The following SLX4IP variants were observed in gnomAD, a reference collection of about 807,000 sequenced individuals.
The protein encoded by SLX4IP is protein SLX4IP.
Under a neutral mutation model 32.9 loss-of-function variants are expected in SLX4IP, and 34 were observed. The observed-to-expected ratio is 1.03, with a 90% CI of 0.79 to 1.38. The LOEUF (loss-of-function observed/expected upper bound fraction) is 1.38. SLX4IP is among the 40% of genes most tolerant of loss of function. The probability of loss-of-function intolerance (pLI) is 0.00; values close to 1 mark genes in which losing one functional copy is unlikely to be tolerated. For synonymous variants in SLX4IP, 172 were observed against 171.7 expected (o/e 1.00, Z -0.01); for missense variants, 444 against 479.0 (o/e 0.93, Z 0.68).
chr20:10,518,764 T>G (rs748616070), intron 2 of SLX4IP, among the ~76,000 whole-genome samples: 16 of 151,846 alleles, frequency 1.1e-4, no homozygotes, highest in Non-Finnish European at 2.1e-4. Flanking sequence ...GAGACGGGGT[T>G]TGGCTATGTA....
At chr20:10,570,560 G>A (rs2066450849) in intron 4 of SLX4IP, among the ~76,000 whole-genome samples, 2 of 149,730 alleles carry the variant, frequency 1.3e-5, no homozygotes, top group South Asian at 4.2e-4. Context: ...GCGGAGTCTT[G>A]CTTCTTTGCC....
At chr20:10,510,595 T>G (rs1041973676) in intron 2 of SLX4IP, among the ~76,000 whole-genome samples, 8 of 136,070 alleles carry the variant, frequency 5.9e-5, no homozygotes, top group African/African-American at 2.1e-4. Context: ...ATTATTATTA[T>G]TATTATTTTT....
chr20:10,520,753 C>G (rs890193851), intron 2 of SLX4IP, among the ~76,000 whole-genome samples: 33 of 152,316 alleles, frequency 2.2e-4, no homozygotes, highest in African/African-American at 7.9e-4. Context: ...GTCCCAACAC[C>G]ATCTGTATGA....
intron 4 of SLX4IP, among the ~76,000 whole-genome samples, chr20:10,584,148 G>A (rs1600129188): frequency 9.9e-5 from 15 of 151,968 alleles, no homozygotes; most frequent in Admixed American, 7.2e-4. Flanking sequence ...CTATAAAAAC[G>A]CAAATCAGCA....
At chr20:10,618,782 A>G (rs1035345177) in intron 6 of SLX4IP, among the ~76,000 whole-genome samples, 8 of 152,220 alleles carry the variant, frequency 5.3e-5, no homozygotes, top group Non-Finnish European at 8.8e-5. Flanking sequence ...CACACATTAT[A>G]TATCTGCACC....
At chr20:10,526,670 G>A (rs1196488002) in intron 2 of SLX4IP, among the ~76,000 whole-genome samples, 7 of 152,142 alleles carry the variant, frequency 4.6e-5, no homozygotes, top group African/African-American at 1.4e-4. Flanking sequence ...AGGGTCTCAG[G>A]CTGGGCACGG....
intron 2 of SLX4IP, among the ~76,000 whole-genome samples, chr20:10,490,136 A>T (rs914003602): frequency 2.0e-5 from 3 of 152,128 alleles, no homozygotes; most frequent in African/African-American, 7.2e-5. Flanking sequence ...TATCATGCAA[A>T]CCTAAAGAAC....
chr20:10,595,297 C>T (rs2066756440), intron 4 of SLX4IP, among the ~76,000 whole-genome samples: 1 of 152,162 alleles, frequency 6.6e-6, no homozygotes, highest in Admixed American at 6.5e-5. Context: ...GATTTAGGAG[C>T]ACCACAGTCG....
At chr20:10,618,925 T>C (rs1332772923) in intron 6 of SLX4IP, among the ~76,000 whole-genome samples, 1 of 3,734 alleles carries the variant, frequency 2.7e-4, no homozygotes, top group Non-Finnish European at 5.2e-4. Context: ...AATACTTGTT[T>C]GGGGGCTTGG....
At chr20:10,500,882 A>G (rs2122413329) in intron 2 of SLX4IP, among the ~76,000 whole-genome samples, 1 of 152,316 alleles carries the variant, frequency 6.6e-6, no homozygotes, top group Admixed American at 6.5e-5. Context: ...TTTTATGGAT[A>G]ATGTTCTTGT....
At chr20:10,529,416 G>A (rs1199356780) in intron 2 of SLX4IP, among the ~76,000 whole-genome samples, 2 of 151,484 alleles carry the variant, frequency 1.3e-5, no homozygotes, top group Non-Finnish European at 1.5e-5. Context: ...GGGTGAAACC[G>A]CATCTCTACT....
At chr20:10,517,213 C>A (rs766158322) in intron 2 of SLX4IP, among the ~76,000 whole-genome samples, 2 of 152,158 alleles carry the variant, frequency 1.3e-5, no homozygotes, top group Non-Finnish European at 2.9e-5. Flanking sequence ...GTCATCAAAC[C>A]CTCACAGGGT....
chr20:10,592,624 T>TA (rs1332846489), intron 4 of SLX4IP, among the ~76,000 whole-genome samples: 2 of 27,034 alleles, frequency 7.4e-5, no homozygotes. Context: ...TTCTTCATCT[T>TA]TTTTTTTTTT....
intron 4 of SLX4IP, among the ~76,000 whole-genome samples, chr20:10,585,593 C>A (rs1180102000): frequency 7.6e-6 from 1 of 131,622 alleles, no homozygotes; most frequent in Non-Finnish European, 1.6e-5. Context: ...TTCTTTCTTT[C>A]TTTTTTTGAG....
At chr20:10,552,878 GA>G (rs536982941) in intron 2 of SLX4IP, among the ~76,000 whole-genome samples, 2 of 139,270 alleles carry the variant, frequency 1.4e-5, no homozygotes, top group African/African-American at 2.7e-5. Flanking sequence ...AGGGTTACAA[GA>G]AAAAAAAACA....
At chr20:10,472,355 C>G (rs143346125) in intron 2 of SLX4IP, among the ~76,000 whole-genome samples, 6 of 151,850 alleles carry the variant, frequency 4.0e-5, no homozygotes, top group Non-Finnish European at 8.8e-5. Context: ...CTTAGCCTCC[C>G]GAGTAGCTGG....
At chr20:10,588,050 A>G (rs1273954827) in intron 4 of SLX4IP, among the ~76,000 whole-genome samples, 10 of 152,150 alleles carry the variant, frequency 6.6e-5, no homozygotes, top group Admixed American at 6.6e-4. Flanking sequence ...AACCTATAGA[A>G]TGGAATAAAT....
intron 2 of SLX4IP, among the ~76,000 whole-genome samples, chr20:10,466,705 T>G (rs1388185849): frequency 2.6e-5 from 4 of 152,118 alleles, no homozygotes; most frequent in Admixed American, 2.6e-4. Flanking sequence ...GGCTAAACGC[T>G]TTTACTTTTG....
intron 4 of SLX4IP, among the ~76,000 whole-genome samples, chr20:10,567,091 G>A (rs1211579851): frequency 6.6e-6 from 1 of 152,192 alleles, no homozygotes; most frequent in Non-Finnish European, 1.5e-5. Flanking sequence ...TTAAGTCTGT[G>A]TTGAGCCCTA....
Sources: gnomAD v4.1 joint callset for allele counts (sites outside exome capture counted in the v4.1 genomes callset) on GRCh38, gnomAD v4.1.1 for gene constraint, MANE v1.5 for transcripts, NCBI Gene and HGNC (gene_info 2026-07-23, HGNC 2026-07-21) for gene names.